Variants in SLC12A9 observed in about 807,000 individuals in gnomAD.
SLC12A9 encodes solute carrier family 12 member 9.
SLC12A9 carries 55 observed loss-of-function variants against 66.0 expected under a neutral mutation model. The ratio of observed to expected loss-of-function variants is 0.83; its 90% CI spans 0.67 to 1.04. SLC12A9 has a LOEUF of 1.04. Ranked by LOEUF, SLC12A9 falls within the 50% of genes least tolerant of loss-of-function variation. The pLI is 0.00. For missense variants in SLC12A9, 1,061 were observed against 1,241.9 expected (o/e 0.85, Z 2.19); for synonymous variants, 577 against 569.0 (o/e 1.01, Z -0.20).
chr7:100,854,913 C>T (rs1284582341), intron 3 of SLC12A9, among the ~76,000 whole-genome samples, 159 bp downstream of exon 3: 1 of 151,966 alleles, frequency 6.6e-6, no homozygotes, highest in Non-Finnish European at 1.5e-5. Flanking sequence ...TCTGTAATCC[C>T]AGCACTTTGG....
upstream of SLC12A9, among the ~76,000 whole-genome samples, chr7:100,848,233 G>T (rs758472139): frequency 1.3e-5 from 2 of 151,886 alleles, no homozygotes. Context: ...GGCCGGGTGC[G>T]GTGGCTCATG....
At chr7:100,859,729 T>A in intron 7 of SLC12A9, 156 bp from the exon 8 acceptor site, 1 of 888,702 alleles carries the variant, frequency 1.1e-6, no homozygotes, top group Non-Finnish European at 1.7e-6. Flanking sequence ...AAGGAAGGAA[T>A]GACCACTGAG....
At position 100,854,667 on chromosome 7, in the gene SLC12A9, C is replaced by T; in HGVS notation, c.229C>T (p.Leu77=). 4 of 1,614,056 alleles carry T rather than the reference C, an allele frequency of 2.5e-6. No homozygotes were observed. Among genetic ancestry groups the T allele is most frequent in the Non-Finnish European group, 2.5e-6 (3 of 1,180,012 alleles). Residue 77 remains leucine, a synonymous_variant, in exon 3 of 14, where the codon CTG becomes TTG. Transcript: ENST00000354161. ...AGLLQALAML[L]VAYFILALTV... is the part of the protein sequence containing the mutation. Reference sequence around the variant, plus strand: ...GCTACTGCAGGCCCTGGCCATGCTGCTGGTTGCCTACTTCATCCTGGCACT... The same window carrying T: ...GCTACTGCAGGCCCTGGCCATGCTGTTGGTTGCCTACTTCATCCTGGCACT...
intron 1 of SLC12A9, chr7:100,853,376 C>G (rs767112278): frequency 6.6e-6 from 1 of 152,132 alleles, no homozygotes; most frequent in Non-Finnish European, 1.5e-5. Flanking sequence ...GGTGCCATCC[C>G]TAGTCTCAGG....
intron 9 of SLC12A9, 151 bp from the exon 10 acceptor site, chr7:100,860,985 CTT>C: frequency 7.2e-7 from 1 of 1,388,100 alleles, no homozygotes; most frequent in Non-Finnish European, 1.0e-6. Context: ...TTCATTGACA[CTT>C]TGGGGGTGCA....
At chr7:100,857,390 G>A (rs1814462149) in intron 5 of SLC12A9, 2 of 594,514 alleles carry the variant, frequency 3.4e-6, no homozygotes, top group East Asian at 5.6e-5. Context: ...TGCTTTAGAG[G>A]AACTTGTGTT....
chr7:100,835,418 G>A (rs1178072783), intron 1 of SLC12A9, among the ~76,000 whole-genome samples: 2 of 150,964 alleles, frequency 1.3e-5, no homozygotes, highest in Non-Finnish European at 2.9e-5. Flanking sequence ...TTGGGAAGCC[G>A]AGGTGGGCAG....
chr7:100,846,575 A>T (rs113843768), intron 1 of SLC12A9, among the ~76,000 whole-genome samples: 140 of 152,270 alleles, frequency 9.2e-4, no homozygotes, highest in African/African-American at 3.2e-3. Flanking sequence ...TCAAAAAAAA[A>T]AAAAAGCTTC....
chr7:100,856,184 C>G (rs1488516594), intron 4 of SLC12A9: 1 of 186,136 alleles, frequency 5.4e-6, no homozygotes, highest in East Asian at 1.6e-4. Flanking sequence ...TGCTTTGGGT[C>G]ACAGTTGGGG....
In SLC12A9 at chr7:100,861,044, C is replaced by CT; in HGVS notation, c.1219-91dup. 1 of 1,603,624 alleles carries CT rather than the reference C, an allele frequency of 6.2e-7. No homozygotes were observed. The highest frequency in any genetic ancestry group is 8.5e-7 in the Non-Finnish European group (1 of 1,174,520). On this transcript the variant is annotated intron_variant, in intron 9 of 13. Transcript: ENST00000354161. The surrounding 1 kb of genome is among the most constrained non-coding windows in gnomAD (Gnocchi z 5.3). ...TGGCACTTTCTGGGGCTCATTGACA[C>CT]TTTGGGGTACACTGGCATTCTTTGG...
chr7:100,853,829 A>G (rs1043967709), intron 1 of SLC12A9, among the ~76,000 whole-genome samples: 1 of 152,026 alleles, frequency 6.6e-6, no homozygotes, highest in African/African-American at 2.4e-5. Flanking sequence ...CCTGGGTTCA[A>G]GGGATTCTCC....
upstream of SLC12A9, among the ~76,000 whole-genome samples, chr7:100,850,725 T>C (rs1364119254): frequency 6.4e-5 from 9 of 141,070 alleles, no homozygotes; most frequent in African/African-American, 9.8e-5. Flanking sequence ...TCTTCTTCTT[T>C]TTTTTTTTTT....
rs372726782 is a variant in SLC12A9 at position 100,860,233 on chromosome 7, G to A, written c.1218+1G>A. On this transcript the variant is annotated splice_donor_variant, in intron 9 of 13. Transcript: ENST00000354161. LOFTEE classifies it high-confidence loss of function. ...ACTTTATTCTTGGGGCCTGGTGCAG[G>A]TGAGCCTTCTTCTTCAAGGGGCCCT... 53 of 1,613,404 alleles carry A rather than the reference G, an allele frequency of 3.3e-5. No individual in the cohort carries two copies. Among genetic ancestry groups the A allele is most frequent in the Non-Finnish European group, 4.2e-5 (50 of 1,179,642 alleles).
At chr7:100,849,619 G>A (rs900845000), upstream of SLC12A9, among the ~76,000 whole-genome samples, 4 of 151,700 alleles carry the variant, frequency 2.6e-5, no homozygotes, top group Non-Finnish European at 5.9e-5. Context: ...CAAGGCTGAG[G>A]CAGGAGAATC....
chr7:100,862,385 A>T (rs1349360179), intron 12 of SLC12A9, among the ~76,000 whole-genome samples: 1 of 152,050 alleles, frequency 6.6e-6, no homozygotes, highest in Non-Finnish European at 1.5e-5. Context: ...TGGCCTCCTG[A>T]GTAGCTGGGA....
At chr7:100,839,452 G>A (rs780808625) in intron 1 of SLC12A9, among the ~76,000 whole-genome samples, 4 of 152,278 alleles carry the variant, frequency 2.6e-5, no homozygotes, top group Middle Eastern at 3.4e-3. Flanking sequence ...TCTGCGCCTC[G>A]TCCTGCTACA....
intron 4 of SLC12A9, 117 bp from the exon 5 acceptor site, chr7:100,856,751 A>G (rs1465324770): frequency 1.9e-6 from 2 of 1,044,126 alleles, no homozygotes; most frequent in African/African-American, 1.6e-5. Context: ...GACTCAAGCA[A>G]TCCTCCCACC....
At chr7:100,844,045 G>A (rs990752820) in intron 1 of SLC12A9, among the ~76,000 whole-genome samples, 42 of 152,136 alleles carry the variant, frequency 2.8e-4, no homozygotes, top group African/African-American at 9.9e-4. Context: ...ACTGGTCCAC[G>A]CATGGCCGAA....
At chr7:100,844,803 G>A (rs750498006) in intron 1 of SLC12A9, among the ~76,000 whole-genome samples, 8 of 152,114 alleles carry the variant, frequency 5.3e-5, no homozygotes, top group Non-Finnish European at 1.2e-4. Context: ...ATCTTAGTTC[G>A]AGGAGAAGTT....
Sources: gnomAD v4.1 joint callset for allele counts (sites outside exome capture counted in the v4.1 genomes callset) on GRCh38, gnomAD v4.1.1 for gene constraint, Gnocchi (gnomAD v3.1) non-coding constraint, MANE v1.5 for transcripts, NCBI Gene and HGNC (gene_info 2026-07-23, HGNC 2026-07-21) for gene names.